The following FAM135A variants were observed in gnomAD, a reference collection of about 807,000 sequenced individuals.
FAM135A encodes the protein family with sequence similarity 135 member A.
Under a neutral mutation model 146.8 loss-of-function variants are expected in FAM135A, and 79 were observed. The ratio of observed to expected loss-of-function variants is 0.54; its 90% confidence interval spans 0.45 to 0.65. The LOEUF is 0.65. FAM135A is among the 30% of genes least tolerant of loss of function. The pLI, the probability that FAM135A is intolerant of heterozygous loss-of-function variation, is 0.00. For missense variants in FAM135A, 1,623 were observed against 1,758.2 expected, an observed-to-expected ratio of 0.92 and a Z score of 1.38; for synonymous variants, 562 against 603.6, an observed-to-expected ratio of 0.93 and a Z score of 1.01.
intron 1 of FAM135A, among the ~76,000 whole-genome samples, chr6:70,414,931 T>C (rs1031232349): frequency 1.3e-5 from 2 of 152,252 alleles, no homozygotes; most frequent in African/African-American, 4.8e-5. Flanking sequence ...GTCCAAGAAC[T>C]AATCTTAAAT....
chr6:70,520,731 C>T (rs922985878), intron 12 of FAM135A, among the ~76,000 whole-genome samples: 1 of 152,054 alleles, frequency 6.6e-6, no homozygotes, highest in Non-Finnish European at 1.5e-5. Context: ...AAATTTTTTT[C>T]TGTCAAACTT....
intron 5 of FAM135A, among the ~76,000 whole-genome samples, chr6:70,455,601 G>A (rs1020441501): frequency 6.6e-6 from 1 of 152,068 alleles, no homozygotes; most frequent in Non-Finnish European, 1.5e-5. Flanking sequence ...GACATGACAT[G>A]ACAGATTTGG....
At chr6:70,542,675 C>T (rs540526293) in intron 20 of FAM135A, among the ~76,000 whole-genome samples, 62 of 152,236 alleles carry the variant, frequency 4.1e-4, no homozygotes, top group African/African-American at 1.5e-3. Flanking sequence ...ACTTTTATGT[C>T]CCCAATCTTA....
At chr6:70,501,393 C>T (rs1788483375) in intron 11 of FAM135A, among the ~76,000 whole-genome samples, 2 of 152,178 alleles carry the variant, frequency 1.3e-5, no homozygotes, top group Non-Finnish European at 2.9e-5. Flanking sequence ...GTGCTGGCAG[C>T]GAGAATTTCA....
chr6:70,461,487 CTG>C (rs1298468512), intron 5 of FAM135A, among the ~76,000 whole-genome samples: 1 of 152,098 alleles, frequency 6.6e-6, no homozygotes, highest in African/African-American at 2.4e-5. Flanking sequence ...CATAATTTTT[CTG>C]TGTTATGTAT....
At chr6:70,501,738 C>T (rs886227104) in intron 11 of FAM135A, among the ~76,000 whole-genome samples, 1 of 152,114 alleles carries the variant, frequency 6.6e-6, no homozygotes, top group African/African-American at 2.4e-5. Context: ...AGGGAGGTCC[C>T]CTGGCTTCTC....
chr6:70,526,792 C>G, intron 15 of FAM135A, 94 bp downstream of exon 15: 1 of 780,136 alleles, frequency 1.3e-6, no homozygotes, highest in Non-Finnish European at 1.9e-6. Context: ...CACACACACA[C>G]ACACACACAC....
At chr6:70,469,609 C>T (rs185520126) in intron 5 of FAM135A, among the ~76,000 whole-genome samples, 3 of 152,214 alleles carry the variant, frequency 2.0e-5, no homozygotes, top group African/African-American at 7.2e-5. Flanking sequence ...ATAAAGTTCA[C>T]AGATCTAGTA....
At chr6:70,442,771 A>G (rs1013422040) in intron 4 of FAM135A, among the ~76,000 whole-genome samples, 1 of 152,126 alleles carries the variant, frequency 6.6e-6, no homozygotes, top group East Asian at 1.9e-4. Flanking sequence ...ATGTCCTTTG[A>G]TACAATGCTA....
intron 12 of FAM135A, 21 bp downstream of exon 12, chr6:70,502,812 T>C: frequency 6.3e-7 from 1 of 1,596,008 alleles, no homozygotes; most frequent in Non-Finnish European, 8.5e-7. Context: ...GAGAAGTGAT[T>C]TTAGAGCATT....
chr6:70,435,521 GT>G (rs982060121), intron 4 of FAM135A, among the ~76,000 whole-genome samples: 1 of 151,392 alleles, frequency 6.6e-6, no homozygotes, highest in Non-Finnish European at 1.5e-5. Flanking sequence ...TTTTTTGTTT[GT>G]TTTTTGTTTT....
intron 12 of FAM135A, chr6:70,504,263 G>A (rs1416661368): frequency 6.6e-6 from 1 of 152,134 alleles, no homozygotes; most frequent in African/African-American, 2.4e-5. Context: ...GGTTATGTAG[G>A]TTTGCTCCAT....
At chr6:70,475,348 T>G in intron 5 of FAM135A, 62 bp from the exon 6 acceptor site, 2 of 1,310,416 alleles carry the variant, frequency 1.5e-6, no homozygotes, top group Non-Finnish European at 2.1e-6. Flanking sequence ...AAAGTACAAG[T>G]GTTAATTTGC....
intron 4 of FAM135A, among the ~76,000 whole-genome samples, chr6:70,441,341 T>C (rs1280599694): frequency 6.6e-6 from 1 of 152,090 alleles, no homozygotes; most frequent in Admixed American, 6.6e-5. Context: ...TAAGCTGAGA[T>C]GGCGCTACTG....
intron 12 of FAM135A, among the ~76,000 whole-genome samples, chr6:70,515,621 G>A (rs78431247): frequency 1.3e-5 from 2 of 152,094 alleles, no homozygotes; most frequent in Admixed American, 1.3e-4. Flanking sequence ...GGAGGGACAG[G>A]TAGGTAGAGC....
intron 20 of FAM135A, among the ~76,000 whole-genome samples, chr6:70,542,069 G>A (rs996114750): frequency 3.3e-5 from 5 of 152,098 alleles, no homozygotes; most frequent in Admixed American, 6.5e-5. Flanking sequence ...CTCGTTAGAC[G>A]AAATGATCAT....
intron 21 of FAM135A, among the ~76,000 whole-genome samples, chr6:70,558,728 A>G (rs1378423441): frequency 2.6e-5 from 4 of 152,178 alleles, no homozygotes; most frequent in Admixed American, 1.3e-4. Context: ...TTAAGATGGA[A>G]GGATTGCTTG....
At chr6:70,518,961 C>T (rs944783416) in intron 12 of FAM135A, among the ~76,000 whole-genome samples, 3 of 152,166 alleles carry the variant, frequency 2.0e-5, no homozygotes, top group Admixed American at 6.5e-5. Flanking sequence ...GACTTTCAAA[C>T]CTTATTACTT....
Position 70,475,450 on chromosome 6 carries a change from A to C in FAM135A, c.198A>C (p.Leu66=), listed in dbSNP as rs957741874. 4 of 1,603,822 alleles carry C rather than the reference A, an allele frequency of 2.5e-6. No homozygotes were observed. Among genetic ancestry groups the C allele is most frequent in the Non-Finnish European group, 3.4e-6 (4 of 1,175,736 alleles). ...LAFPASVHDS[L]ICSKTFQILY... ...TTCCAGCCTCAGTTCATGATTCTCTAATTTGCAGTAAAACATTTCAAATTT... is the reference window on the plus strand; with the variant it reads ...TTCCAGCCTCAGTTCATGATTCTCTCATTTGCAGTAAAACATTTCAAATTT... The change falls in exon 6 of 22, where the codon CTA becomes CTC. Residue 66 remains leucine (L), a synonymous_variant. Coordinates refer to ENST00000418814, the MANE Select transcript of FAM135A (RefSeq NM_001162529.3).
Sources: gnomAD v4.1 joint callset for allele counts (sites outside exome capture counted in the v4.1 genomes callset) on GRCh38, gnomAD v4.1.1 for gene constraint, MANE v1.5 for transcripts, NCBI Gene and HGNC (gene_info 2026-07-23, HGNC 2026-07-21) for gene names.